Variants in DMD observed in about 807,000 individuals in gnomAD.
DMD encodes the protein dystrophin.
Under a neutral mutation model 330.1 loss-of-function variants are expected in DMD, and 63 were observed. That is an observed-to-expected ratio of 0.19 (90% CI 0.16 to 0.24). The LOEUF (loss-of-function observed/expected upper bound fraction) is 0.24, where lower values mean the gene tolerates loss of function less well. Ranked by LOEUF, DMD falls within the 10% of genes least tolerant of loss-of-function variation. DMD has a pLI of 1.00. For synonymous variants in DMD, 1,223 were observed against 959.8 expected (o/e 1.27, Z -5.07); for missense variants, 3,344 against 2,684.1 (o/e 1.25, Z -5.43).
At chrX:31,530,034 G>A (rs1369423547) in intron 55 of DMD, among the ~76,000 whole-genome samples, 1 of 111,828 alleles carries the variant, frequency 8.9e-6, no homozygotes, top group Non-Finnish European at 1.9e-5. Context: ...TCACTTTCCT[G>A]AAATTTACTT....
At chrX:31,437,595 A>G (rs963204154) in intron 60 of DMD, among the ~76,000 whole-genome samples, 2 of 111,218 alleles carry the variant, frequency 1.8e-5, no homozygotes, top group Admixed American at 1.9e-4. Context: ...AATTTTGCAG[A>G]AACACTGCCC....
chrX:33,297,717 A>G (rs958920062), intron 1 of DMD, among the ~76,000 whole-genome samples: 1 of 111,365 alleles, frequency 9.0e-6, no homozygotes, highest in African/African-American at 3.3e-5. Flanking sequence ...TATGTGAAAT[A>G]AGGGCAGAAA....
chrX:32,398,662 C>T (rs7881790), intron 30 of DMD, among the ~76,000 whole-genome samples: 27,302 of 110,184 alleles, frequency 0.25, 3,832 homozygotes, highest in African/African-American at 0.54. Flanking sequence ...GTCATAATAA[C>T]GACAACGATA....
At chrX:31,197,901 T>C (rs1323376614) in intron 67 of DMD, among the ~76,000 whole-genome samples, 1 of 110,293 alleles carries the variant, frequency 9.1e-6, no homozygotes, top group African/African-American at 3.3e-5. Context: ...GGAATATTAT[T>C]CAGCCATAAA....
intron 1 of DMD, among the ~76,000 whole-genome samples, chrX:33,338,232 GT>G (rs1461691979): frequency 9.0e-6 from 1 of 110,993 alleles, no homozygotes; most frequent in African/African-American, 3.3e-5. Flanking sequence ...GTGAAGATAG[GT>G]TATAGAAACG....
At chrX:32,924,133 C>T (rs1319517432) in intron 2 of DMD, among the ~76,000 whole-genome samples, 2 of 111,182 alleles carry the variant, frequency 1.8e-5, no homozygotes, top group South Asian at 7.6e-4. Flanking sequence ...AAAAACAAAC[C>T]AAAACAAACA....
intron 51 of DMD, among the ~76,000 whole-genome samples, chrX:31,741,193 T>G (rs1242975351): frequency 8.9e-6 from 1 of 111,951 alleles, no homozygotes. Flanking sequence ...TACTGAAGTC[T>G]TGGACCCTCA....
intron 60 of DMD, among the ~76,000 whole-genome samples, chrX:31,400,879 T>C (rs1156506923): frequency 8.9e-6 from 1 of 111,932 alleles, no homozygotes; most frequent in African/African-American, 3.2e-5. Flanking sequence ...ACAACGAGTA[T>C]TTTACAGATG....
At chrX:32,402,873 AT>A (rs1370773731) in intron 30 of DMD, among the ~76,000 whole-genome samples, 1 of 111,592 alleles carries the variant, frequency 9.0e-6, no homozygotes, top group Non-Finnish European at 1.9e-5. Flanking sequence ...TCTAAATTTT[AT>A]CTTTCTTTGG....
intron 11 of DMD, among the ~76,000 whole-genome samples, chrX:32,638,790 C>T (rs1394581637): frequency 2.7e-5 from 3 of 111,529 alleles, no homozygotes; most frequent in Non-Finnish European, 5.7e-5. Flanking sequence ...ACGCAAACTT[C>T]ACTGCACTTG....
chrX:32,856,594 C>T (rs2081584410), intron 2 of DMD, among the ~76,000 whole-genome samples: 1 of 111,732 alleles, frequency 8.9e-6, no homozygotes, highest in African/African-American at 3.3e-5. Context: ...CACTCATATG[C>T]AGTAACTAAA....
intron 7 of DMD, among the ~76,000 whole-genome samples, chrX:32,751,209 T>G (rs1394553361): frequency 9.0e-6 from 1 of 110,591 alleles, no homozygotes; most frequent in African/African-American, 3.3e-5. Flanking sequence ...GTTGCAACAG[T>G]TTGAGAGCTC....
In DMD at chrX:32,867,975, C is replaced by T. The variant is rs762659763; in HGVS notation, c.94-18155G>A. ...AACTAGGAACAGCTGCAGTCAGAGG[C>T]TCCCACTGAGAAGAACCAAAACCGT... On this transcript the variant is annotated intron_variant, in intron 2 of 78. Coordinates refer to ENST00000357033, the MANE Select transcript of DMD (RefSeq NM_004006.3). Among the ~76,000 whole-genome samples, 4 of 110,881 alleles carry T rather than the reference C, an allele frequency of 3.6e-5. No individual in the cohort carries two copies. In the South Asian group the frequency reaches 1.6e-3, roughly 45 times the overall value.
At chrX:31,669,918 T>A (rs1283291974) in intron 53 of DMD, among the ~76,000 whole-genome samples, 1 of 110,516 alleles carries the variant, frequency 9.0e-6, no homozygotes, top group African/African-American at 3.3e-5. Flanking sequence ...GATATTGATA[T>A]CTTAATAATA....
At chrX:31,301,162 T>C (rs988879745) in intron 62 of DMD, among the ~76,000 whole-genome samples, 1 of 111,732 alleles carries the variant, frequency 8.9e-6, no homozygotes, top group Non-Finnish European at 1.9e-5. Context: ...CTTCAGGAAC[T>C]GTACCTTGCC....
intron 44 of DMD, among the ~76,000 whole-genome samples, chrX:32,186,597 T>C (rs2096948858): frequency 9.0e-6 from 1 of 111,677 alleles, no homozygotes; most frequent in African/African-American, 3.2e-5. Flanking sequence ...CCATTTGATT[T>C]GAACATGTAC....
At chrX:31,944,754 C>T (rs1368647370) in intron 45 of DMD, among the ~76,000 whole-genome samples, 10 of 108,077 alleles carry the variant, frequency 9.3e-5, no homozygotes, top group African/African-American at 3.4e-4. Context: ...GTGATCCGCC[C>T]GCCTCGGCCT....
At chrX:32,651,878 TAA>T (rs2060181642) in intron 9 of DMD, among the ~76,000 whole-genome samples, 1 of 112,369 alleles carries the variant, frequency 8.9e-6, no homozygotes, top group African/African-American at 3.2e-5. Flanking sequence ...AAATTCTTTC[TAA>T]AAGAAGGCAT....
intron 30 of DMD, among the ~76,000 whole-genome samples, chrX:32,395,590 C>A (rs754410741): frequency 1.8e-5 from 2 of 110,341 alleles, no homozygotes; most frequent in African/African-American, 6.7e-5. Flanking sequence ...ATTTTAAAAA[C>A]AGAAAAACCC....
Sources: gnomAD v4.1 joint callset for allele counts (sites outside exome capture counted in the v4.1 genomes callset) on GRCh38, gnomAD v4.1.1 for gene constraint, MANE v1.5 for transcripts, NCBI Gene and HGNC (gene_info 2026-07-23, HGNC 2026-07-21) for gene names.